SORCS2: variants seen among roughly 807,000 people sequenced by gnomAD.
The protein encoded by SORCS2 is sortilin related VPS10 domain containing receptor 2.
In SORCS2, 100 loss-of-function variants were observed where a neutral mutation model predicts 141.6. That is an observed-to-expected ratio of 0.71 (90% CI 0.60 to 0.83). SORCS2 has a LOEUF of 0.83. Among genes scored for constraint, SORCS2 ranks in the 40% least tolerant of loss-of-function variants. SORCS2 has a pLI of 0.00. For synonymous variants in SORCS2, 789 were observed against 676.9 expected (o/e 1.17, Z -2.57); for missense variants, 1,646 against 1,560.2 (o/e 1.05, Z -0.93).
At chr4:7,464,664 TG>T (rs528286220) in intron 2 of SORCS2, among the ~76,000 whole-genome samples, 28 of 152,322 alleles carry the variant, frequency 1.8e-4, no homozygotes, top group African/African-American at 6.5e-4. Context: ...GCTGTACTTT[TG>T]GGGATCCCAA....
At chr4:7,565,195 G>A (rs4689780) in intron 3 of SORCS2, among the ~76,000 whole-genome samples, 148,330 of 152,262 alleles carry the variant, frequency 0.97, 72,373 homozygotes, top group East Asian at 1. Flanking sequence ...AAAAATAAAT[G>A]ACTAGTCCCT....
At chr4:7,542,147 C>T (rs1429766810) in intron 3 of SORCS2, among the ~76,000 whole-genome samples, 5 of 152,238 alleles carry the variant, frequency 3.3e-5, no homozygotes, top group Non-Finnish European at 7.3e-5. Flanking sequence ...CCTCCTCACC[C>T]CTCATGGGCG....
intron 3 of SORCS2, among the ~76,000 whole-genome samples, chr4:7,587,824 C>T (rs990490153): frequency 2.6e-5 from 4 of 152,262 alleles, no homozygotes; most frequent in African/African-American, 9.6e-5. Context: ...CAGTCCTGGC[C>T]ATGCCTCTGG....
intron 2 of SORCS2, among the ~76,000 whole-genome samples, chr4:7,416,240 G>A (rs751498145): frequency 5.3e-5 from 8 of 152,118 alleles, no homozygotes; most frequent in Non-Finnish European, 1.0e-4. Context: ...GCGTTCGTAG[G>A]GGACAGGGAG....
chr4:7,315,068 G>A (rs982989061), intron 1 of SORCS2, among the ~76,000 whole-genome samples: 7 of 151,814 alleles, frequency 4.6e-5, no homozygotes, highest in Non-Finnish European at 1.0e-4. Flanking sequence ...CCTGACCTTA[G>A]GCCATCCACC....
At chr4:7,654,936 C>G (rs1322751586) in intron 5 of SORCS2, among the ~76,000 whole-genome samples, 1 of 152,280 alleles carries the variant, frequency 6.6e-6, no homozygotes, top group South Asian at 2.1e-4. Flanking sequence ...CAGTGTGCCC[C>G]CTGAGCACCC....
At chr4:7,230,295 T>C (rs1213102907) in intron 1 of SORCS2, among the ~76,000 whole-genome samples, 2 of 107,148 alleles carry the variant, frequency 1.9e-5, no homozygotes, top group African/African-American at 3.6e-5. Flanking sequence ...CATGTGCTCA[T>C]GTATGAAGGA....
At chr4:7,646,279 G>A (rs1254405844) in intron 4 of SORCS2, among the ~76,000 whole-genome samples, 3 of 152,250 alleles carry the variant, frequency 2.0e-5, no homozygotes, top group African/African-American at 7.2e-5. Flanking sequence ...CTGAGCCGGG[G>A]CTGGGCTGGG....
chr4:7,725,716 G>T (rs536091060), intron 20 of SORCS2, among the ~76,000 whole-genome samples: 1 of 152,204 alleles, frequency 6.6e-6, no homozygotes, highest in Non-Finnish European at 1.5e-5. Context: ...CCTGTCTGCA[G>T]TGGGGAGCCA....
At chr4:7,380,478 AATT>A (rs1406516609) in intron 1 of SORCS2, among the ~76,000 whole-genome samples, 1 of 27,776 alleles carries the variant, frequency 3.6e-5, no homozygotes, top group Non-Finnish European at 8.7e-5. Context: ...TCTGAATTCA[AATT>A]CAAGAGAAAC....
intron 3 of SORCS2, among the ~76,000 whole-genome samples, chr4:7,563,918 T>A (rs1455420659): frequency 1.3e-5 from 2 of 152,256 alleles, no homozygotes; most frequent in Non-Finnish European, 2.9e-5. Flanking sequence ...AACAACCTAA[T>A]TCCAGGAAAA....
At chr4:7,487,968 T>C (rs1233975693) in intron 2 of SORCS2, among the ~76,000 whole-genome samples, 2 of 152,188 alleles carry the variant, frequency 1.3e-5, no homozygotes, top group Non-Finnish European at 2.9e-5. Context: ...GCAGAGCCGC[T>C]CGCTCATCAG....
chr4:7,652,082 T>G (rs1003907790), intron 4 of SORCS2, among the ~76,000 whole-genome samples: 1 of 152,120 alleles, frequency 6.6e-6, no homozygotes, highest in Non-Finnish European at 1.5e-5. Context: ...CACTATGAAG[T>G]CCCACCCCCT....
intron 2 of SORCS2, among the ~76,000 whole-genome samples, chr4:7,509,059 G>A (rs181026368): frequency 6.6e-6 from 1 of 152,304 alleles, no homozygotes. Flanking sequence ...TCATCTGAGT[G>A]CAGACAGCAA....
At chr4:7,479,326 C>T (rs1730487778) in intron 2 of SORCS2, among the ~76,000 whole-genome samples, 1 of 141,722 alleles carries the variant, frequency 7.1e-6, no homozygotes, top group Non-Finnish European at 1.5e-5. Context: ...GTGGCTCACT[C>T]TCCACGTGCC....
At chr4:7,446,715 T>G (rs1167315084) in intron 2 of SORCS2, among the ~76,000 whole-genome samples, 2 of 151,882 alleles carry the variant, frequency 1.3e-5, no homozygotes, top group Admixed American at 6.6e-5. Flanking sequence ...TACAAGGGGG[T>G]GCACCCTAGT....
intron 2 of SORCS2, among the ~76,000 whole-genome samples, chr4:7,524,585 G>GT (rs71647611): frequency 0.025 from 3,559 of 144,616 alleles, 62 homozygotes; most frequent in Non-Finnish European, 0.037. Flanking sequence ...TGTGGGTTTT[G>GT]TTTTTTTTTT....
chr4:7,575,320 C>T (rs762822643), intron 3 of SORCS2, among the ~76,000 whole-genome samples: 4 of 152,180 alleles, frequency 2.6e-5, no homozygotes, highest in Non-Finnish European at 5.9e-5. Flanking sequence ...TTATTTAACC[C>T]AGTATATCCA....
At chr4:7,422,929 C>A (rs1411341661) in intron 2 of SORCS2, among the ~76,000 whole-genome samples, 1 of 152,190 alleles carries the variant, frequency 6.6e-6, no homozygotes, top group Non-Finnish European at 1.5e-5. Flanking sequence ...CAGACCACGG[C>A]CCCTCTCCAT....
Sources: gnomAD v4.1 joint callset for allele counts (sites outside exome capture counted in the v4.1 genomes callset) on GRCh38, gnomAD v4.1.1 for gene constraint, MANE v1.5 for transcripts, NCBI Gene and HGNC (gene_info 2026-07-23, HGNC 2026-07-21) for gene names.